Variants in HACE1 observed in about 807,000 individuals in gnomAD.
The protein encoded by HACE1 is HECT domain and ankyrin repeat containing E3 ubiquitin protein ligase 1.
HACE1 carries 73 observed loss-of-function variants against 118.4 expected under a neutral mutation model. The ratio of observed to expected loss-of-function variants is 0.62; its 90% CI spans 0.51 to 0.75. The LOEUF is 0.75. Among genes scored for constraint, HACE1 ranks in the 30% least tolerant of loss-of-function variants. The pLI is 0.00. For synonymous variants in HACE1, 368 were observed against 374.8 expected, an observed-to-expected ratio of 0.98 and a Z score of 0.21; for missense variants, 749 against 1,102.2, an observed-to-expected ratio of 0.68 and a Z score of 4.54.
At chr6:104,841,890 A>C (rs1222580673) in intron 5 of HACE1, among the ~76,000 whole-genome samples, 1 of 152,190 alleles carries the variant, frequency 6.6e-6, no homozygotes, top group Non-Finnish European at 1.5e-5. Flanking sequence ...AATTTGGTTA[A>C]AACTTTGGGA....
intron 6 of HACE1, among the ~76,000 whole-genome samples, chr6:104,818,878 A>G (rs1772392792): frequency 6.6e-6 from 1 of 152,186 alleles, no homozygotes; most frequent in Non-Finnish European, 1.5e-5. Context: ...TAGGTATTGA[A>G]GGAACATACC....
chr6:104,756,913 G>T (rs898421973), intron 19 of HACE1, among the ~76,000 whole-genome samples: 3 of 152,240 alleles, frequency 2.0e-5, no homozygotes, highest in African/African-American at 7.2e-5. Flanking sequence ...GGCTCAGAGG[G>T]TCGCATGCCC....
intron 6 of HACE1, among the ~76,000 whole-genome samples, chr6:104,832,534 C>T (rs1186426261): frequency 6.6e-6 from 1 of 151,986 alleles, no homozygotes; most frequent in Non-Finnish European, 1.5e-5. Flanking sequence ...GCTGGGACTA[C>T]GGATGCATGC....
At chr6:104,765,222 G>A (rs1387464898) in intron 19 of HACE1, among the ~76,000 whole-genome samples, 1 of 152,178 alleles carries the variant, frequency 6.6e-6, no homozygotes, top group Non-Finnish European at 1.5e-5. Flanking sequence ...TCACCATGCA[G>A]TAAACACAAG....
intron 20 of HACE1, among the ~76,000 whole-genome samples, chr6:104,747,957 T>TA (rs1288270221): frequency 6.6e-6 from 1 of 152,020 alleles, no homozygotes; most frequent in East Asian, 1.9e-4. Flanking sequence ...ATTAAAAACT[T>TA]ACCAGTAACA....
At chr6:104,796,814 T>C (rs1769694314) in intron 8 of HACE1, 58 bp from the exon 9 acceptor site, 10 of 1,145,142 alleles carry the variant, frequency 8.7e-6, no homozygotes, top group Non-Finnish European at 1.3e-5. Context: ...AAAGTTCATA[T>C]TCTTCACACA....
At chr6:104,761,987 AACC>A (rs1409361969) in intron 19 of HACE1, among the ~76,000 whole-genome samples, 2 of 152,198 alleles carry the variant, frequency 1.3e-5, no homozygotes, top group African/African-American at 4.8e-5. Context: ...TGCAAATCAA[AACC>A]ACAATAAGAT....
intron 19 of HACE1, among the ~76,000 whole-genome samples, chr6:104,756,349 T>G (rs1432067350): frequency 6.7e-6 from 1 of 148,378 alleles, no homozygotes; most frequent in South Asian, 2.1e-4. Flanking sequence ...TAGGCAGAGG[T>G]TGCAGTGAGC....
chr6:104,813,755 C>T (rs1582607208), intron 6 of HACE1, among the ~76,000 whole-genome samples: 2 of 137,944 alleles, frequency 1.4e-5, no homozygotes, highest in Non-Finnish European at 3.1e-5. Context: ...CATGAATGAA[C>T]AGACAATATT....
intron 17 of HACE1, among the ~76,000 whole-genome samples, chr6:104,775,659 C>G (rs1257698826): frequency 6.6e-6 from 1 of 152,090 alleles, no homozygotes; most frequent in East Asian, 1.9e-4. Context: ...CACCTCAGAG[C>G]AAAGAATTAA....
At chr6:104,784,863 T>G (rs924979552) in intron 12 of HACE1, 122 bp downstream of exon 12, 1 of 711,834 alleles carries the variant, frequency 1.4e-6, no homozygotes, top group Admixed American at 2.4e-5. Context: ...ATGAGTATCT[T>G]AAAACAAGGA....
intron 19 of HACE1, among the ~76,000 whole-genome samples, chr6:104,755,170 A>G (rs902123378): frequency 4.6e-5 from 7 of 152,186 alleles, no homozygotes; most frequent in African/African-American, 1.7e-4. Context: ...TTAAACCAAC[A>G]AAGATTAAAA....
In HACE1 at chr6:104,810,342, C is replaced by T. The variant is rs79160191; in HGVS notation, c.617+969G>A. ...GGTCTCATCAAAGGCACATCAGAGA[C>T]CCCAACAAGAAGCTAAACAAGAAAA... On this transcript the variant is annotated intron_variant, in intron 7 of 23. Coordinates refer to ENST00000262903, the MANE Select transcript of HACE1 (RefSeq NM_020771.4). Among the ~76,000 whole-genome samples the T allele has an allele frequency of 8.3e-3, 1,268 of 151,858 alleles. 9 individuals are homozygous for T. Among genetic ancestry groups the T allele is most frequent in the Admixed American group, 0.011 (160 of 15,224 alleles).
chr6:104,812,284 C>T (rs1771708113), intron 6 of HACE1, among the ~76,000 whole-genome samples: 1 of 151,852 alleles, frequency 6.6e-6, no homozygotes. Context: ...TTTACAAAAA[C>T]ATTAAAAAAT....
chr6:104,819,428 G>A (rs1184053686), intron 6 of HACE1, among the ~76,000 whole-genome samples: 4 of 152,170 alleles, frequency 2.6e-5, no homozygotes, highest in Non-Finnish European at 5.9e-5. Flanking sequence ...CTCATGGACA[G>A]GAAGAATCAG....
intron 4 of HACE1, among the ~76,000 whole-genome samples, chr6:104,847,651 T>C (rs1404734103): frequency 1.3e-5 from 2 of 152,290 alleles, no homozygotes; most frequent in South Asian, 4.2e-4. Flanking sequence ...CTCGGATTGA[T>C]GTAATGGACA....
At chr6:104,835,173 T>C (rs1774400896) in intron 5 of HACE1, among the ~76,000 whole-genome samples, 1 of 152,186 alleles carries the variant, frequency 6.6e-6, no homozygotes, top group Admixed American at 6.5e-5. Context: ...AAGAGGCAAA[T>C]GTCCAAGGAG....
chr6:104,803,553 G>T (rs567374794), intron 7 of HACE1, among the ~76,000 whole-genome samples: 1 of 152,232 alleles, frequency 6.6e-6, no homozygotes, highest in South Asian at 2.1e-4. Context: ...TGCAAGGCTG[G>T]CTCAACATAT....
intron 7 of HACE1, among the ~76,000 whole-genome samples, chr6:104,800,206 C>A (rs2114900129): frequency 6.6e-6 from 1 of 152,228 alleles, no homozygotes; most frequent in Admixed American, 6.5e-5. Context: ...AACAAAGCGA[C>A]AGGGAAGCTC....
Sources: gnomAD v4.1 joint callset for allele counts (sites outside exome capture counted in the v4.1 genomes callset) on GRCh38, gnomAD v4.1.1 for gene constraint, MANE v1.5 for transcripts, NCBI Gene and HGNC (gene_info 2026-07-23, HGNC 2026-07-21) for gene names.